The following DUOX2 variants were observed in gnomAD, a reference collection of about 807,000 sequenced individuals.
The protein encoded by DUOX2 is dual oxidase 2, also known as NADH/NADPH thyroid oxidase p138-tox.
Under a neutral mutation model 183.3 loss-of-function variants are expected in DUOX2, and 185 were observed. That is an observed-to-expected ratio of 1.01 (90% confidence interval 0.90 to 1.14). The LOEUF (loss-of-function observed/expected upper bound fraction) is 1.14, where lower values mean the gene tolerates loss of function less well. Ranked by LOEUF, DUOX2 falls within the 50% of genes most tolerant of loss-of-function variation. The pLI, the probability that DUOX2 is intolerant of heterozygous loss-of-function variation, is 0.00. For synonymous variants in DUOX2, 788 were observed against 812.4 expected (o/e 0.97, Z 0.51); for missense variants, 1,999 against 2,022.9 (o/e 0.99, Z 0.23).
chr15:45,095,176 C>T, intron 31 of DUOX2, 85 bp from the exon 32 acceptor site: 1 of 1,521,378 alleles, frequency 6.6e-7, no homozygotes, highest in African/African-American at 1.4e-5. Flanking sequence ...GGCTGGGAAG[C>T]CCCAGACCAC....
In DUOX2 at chr15:45,111,572, G is replaced by A. The variant is rs1894410710; in HGVS notation, c.527C>T (p.Thr176Met). ...GATGGCGCTGCCGTCCAGCCAGCCCGTCACCTGGTTGGCCTGCGGGGCACG... is the reference window on the plus strand; with the variant it reads ...GATGGCGCTGCCGTCCAGCCAGCCCATCACCTGGTTGGCCTGCGGGGCACG... ...SNPRDLANQV[T>M]GWLDGSAIYG... is the part of the protein sequence containing the mutation. Residue 176 changes from threonine to methionine, a missense_variant, in exon 6 of 34, where the codon ACG (threonine) becomes ATG (methionine). Around this residue, in one of 3 missense-constraint regions of DUOX2, gnomAD observed 356 missense variants for 356.4 expected, o/e 1.00. Transcript: ENST00000389039. 3.9e-6 allele frequency: 6 copies of A among 1,544,706 alleles called. No homozygotes were observed. The highest frequency in any genetic ancestry group is 4.3e-6 in the Non-Finnish European group (5 of 1,149,572).
At position 45,095,060 on chromosome 15, in the gene DUOX2, C is replaced by A. The variant is rs748461702; in HGVS notation, c.4271G>T (p.Arg1424Leu). The change falls in exon 32 of 34, where the codon CGT (arginine) becomes CTT (leucine). Residue 1424 changes from arginine (R) to leucine (L), a missense_variant. Coordinates refer to ENST00000389039, the MANE Select transcript of DUOX2 (RefSeq NM_001363711.2). The stretch of plus-strand genomic sequence containing the variant: ...GATGTCAGCCAGCCACTCAAACTGA[C>A]GCTGGGTCCGTGTCACCCAGATGAA... The part of the protein sequence containing the change: ...IYFIWVTRTQ[R>L]QFEWLADIIQ... 2 of 1,613,986 alleles carry A rather than the reference C, an allele frequency of 1.2e-6. No homozygotes were observed. The highest frequency in any genetic ancestry group is 1.7e-6 in the Non-Finnish European group (2 of 1,180,028).
At position 45,095,371 on chromosome 15, in the gene DUOX2, C is replaced by T. The variant is rs1893872435; in HGVS notation, c.4239+66G>A. On this transcript the variant is annotated intron_variant, in intron 31 of 33. Transcript: ENST00000389039. ...GCCAGGAGCTTTCTCTCATGCTCCA[C>T]CACTTGATGCGGGTCACAATTCGGC... The T allele has an allele frequency of 1.0e-5, 16 of 1,604,760 alleles. No individual in the cohort carries two copies. The South Asian group carries it at 1.5e-4, about 15-fold the overall frequency.
chr15:45,095,765 G>A, intron 30 of DUOX2, 63 bp downstream of exon 30: 1 of 1,563,542 alleles, frequency 6.4e-7, no homozygotes, highest in South Asian at 1.1e-5. Context: ...CTCAGGATAG[G>A]GAAGGGCAGA....
rs939205501 is a variant in DUOX2 at position 45,104,943 on chromosome 15, C to T, written c.2335-578G>A. ...TCAAGCGATTCTCCTGCCTCAGCCT[C>T]CCAAGTAGCTGGGATTACAGGTGTG... On this transcript the variant is annotated intron_variant, in intron 18 of 33. Coordinates refer to ENST00000389039, the MANE Select transcript of DUOX2 (RefSeq NM_001363711.2). 3.3e-5 allele frequency among the ~76,000 whole-genome samples: 5 copies of T among 152,192 alleles called. No individual in the cohort carries two copies. In the East Asian group the frequency reaches 5.8e-4, roughly 18 times the overall value.
At chr15:45,094,393 G>A (rs946372592) in intron 33 of DUOX2, 121 bp from the exon 34 acceptor site, 2 of 1,555,602 alleles carry the variant, frequency 1.3e-6, no homozygotes, top group South Asian at 1.2e-5. Context: ...CCTTGAGGAG[G>A]AGGCTTAACG....
chr15:45,105,924 A>AACTCCTCCCC lies in DUOX2; in HGVS notation c.2149-106_2149-97dup. The AACTCCTCCCC allele has an allele frequency of 2.0e-6, 3 of 1,506,664 alleles. 1 individual carries two copies. In the South Asian group the frequency reaches 3.5e-5, roughly 17 times the overall value. 93.3% of individuals were successfully genotyped at this position (1,506,664 alleles called of 1,614,324 possible). A position where few individuals can be genotyped will look rare whatever the true frequency, so the allele number is the denominator to read the frequency against. The stretch of plus-strand genomic sequence containing the variant: ...ATCTTGGGTTGAGGGGAGGAGAGAA[A>AACTCCTCCCC]ACTCCTCCCCATCCATCCAGGCTGG... On this transcript the variant is annotated intron_variant, in intron 17 of 33. Transcript: ENST00000389039.
intron 23 of DUOX2, 197 bp downstream of exon 23, chr15:45,100,558 C>T: frequency 1.5e-6 from 1 of 658,556 alleles, no homozygotes; most frequent in Admixed American, 2.4e-5. Context: ...AGCCAGGACC[C>T]TTGCCTGAAG....
chr15:45,113,179 A>T, intron 2 of DUOX2, 103 bp from the exon 3 acceptor site: 1 of 1,460,046 alleles, frequency 6.8e-7, no homozygotes, highest in Non-Finnish European at 9.4e-7. Context: ...GAGCGCCCCT[A>T]ACCGGACCCA....
chr15:45,099,145 GGATTA>G (rs1342874294), intron 26 of DUOX2: 1 of 416,366 alleles, frequency 2.4e-6, no homozygotes, highest in Non-Finnish European at 4.6e-6. Context: ...CGAGTAGCTG[GGATTA>G]CAGGCGCCCA....
At position 45,109,550 on chromosome 15, in the gene DUOX2, T is replaced by C. The variant is rs1291879340; in HGVS notation, c.1208A>G (p.Asp403Gly). Reference sequence around the variant, plus strand: ...CCTCAGATCTTCAACCACTATGTTGTCCTCCAACTCCGAAATCTGGGAGGC... The same window carrying C: ...CCTCAGATCTTCAACCACTATGTTGCCCTCCAACTCCGAAATCTGGGAGGC... ...GMASQISELE[D>G]NIVVEDLRDY... Residue 403 changes from aspartate to glycine, a missense_variant, in exon 11 of 34, where the codon GAC becomes GGC. Asp to Gly is a moderately conservative substitution (Grantham distance 94). Around this residue, in one of 3 missense-constraint regions of DUOX2, gnomAD observed 1,628 missense variants for 1,608.6 expected, o/e 1.01. Coordinates refer to ENST00000389039, the MANE Select transcript of DUOX2 (RefSeq NM_001363711.2). The C allele has an allele frequency of 1.9e-6, 3 of 1,613,922 alleles. No homozygotes were observed. Among genetic ancestry groups the C allele is most frequent in the Non-Finnish European group, 2.5e-6 (3 of 1,180,026 alleles).
intron 12 of DUOX2, 38 bp downstream of exon 12, chr15:45,108,751 A>G: frequency 6.2e-7 from 1 of 1,608,072 alleles, no homozygotes; most frequent in Non-Finnish European, 8.5e-7. Context: ...TGCCATAGGA[A>G]AGCTTTAGCT....
chr15:45,109,752 C>T (rs1445523550), intron 10 of DUOX2, 126 bp from the exon 11 acceptor site: 21 of 1,309,254 alleles, frequency 1.6e-5, no homozygotes, highest in Non-Finnish European at 1.5e-5. Flanking sequence ...AACTGTTGTC[C>T]CCGGATAATT....
At chr15:45,099,953 C>T in intron 24 of DUOX2, 61 bp from the exon 25 acceptor site, 7 of 1,611,738 alleles carry the variant, frequency 4.3e-6, no homozygotes, top group Non-Finnish European at 5.1e-6. Flanking sequence ...GAGCCCTGGG[C>T]TCTCCCATGC....
At chr15:45,100,688 TG>T in intron 23 of DUOX2, 66 bp downstream of exon 23, 1 of 1,302,902 alleles carries the variant, frequency 7.7e-7, no homozygotes, top group Non-Finnish European at 1.1e-6. Context: ...GATATGTGGG[TG>T]GGGCCTAGGG....
Position 45,097,732 on chromosome 15 carries a change from C to A in DUOX2, c.3575G>T (p.Gly1192Val). The change falls in exon 28 of 34, where the codon GGT becomes GTT. Residue 1192 changes from glycine to valine, a missense_variant. This residue lies in a region of DUOX2 where 1,628 missense variants were observed against 1,608.6 expected (regional missense o/e 1.01). Coordinates refer to ENST00000389039, the MANE Select transcript of DUOX2 (RefSeq NM_001363711.2). ...WFFQTVPGMT[G>V]VLLLLVLAIM... ...GGCCAGGACCAGGAGCAGAAGCACA[C>A]CTGTCATACCTGGGGGCAGGAAGAC... 6.2e-7 allele frequency: 1 copy of A among 1,614,234 alleles called. No individual in the cohort carries two copies. Among genetic ancestry groups the A allele is most frequent in the Non-Finnish European group, 8.5e-7 (1 of 1,180,040 alleles).
At chr15:45,113,474 A>G (rs1262326927) in intron 1 of DUOX2, 49 bp from the exon 2 acceptor site, 8 of 1,457,222 alleles carry the variant, frequency 5.5e-6, no homozygotes, top group Non-Finnish European at 7.5e-6. Context: ...AGCCACTGTT[A>G]GGGCGTCCTC....
intron 12 of DUOX2, chr15:45,108,519 G>A: frequency 3.3e-6 from 2 of 602,020 alleles, no homozygotes; most frequent in Non-Finnish European, 5.8e-6. Context: ...GTGGGACCCT[G>A]CAGCAACAGG....
chr15:45,095,908 G>C lies in DUOX2; in HGVS notation c.4000C>G (p.Arg1334Gly), dbSNP rs200541410. ...PHEDTLSLHI[R>G]AVGPWTTRLR... ...CGAGTGGTCCAGGGCCCCACTGCCC[G>C]GATGTGCAGGCTGAGTGTGTCCTCA... The change falls in exon 30 of 34, where the codon CGG (arginine) becomes GGG (glycine). Residue 1334 changes from arginine to glycine, a missense_variant. By Grantham distance (125) the Arg-to-Gly change is moderately radical (BLOSUM62 -2). Around this residue, in one of 3 missense-constraint regions of DUOX2, gnomAD observed 1,628 missense variants for 1,608.6 expected, o/e 1.01. Coordinates refer to ENST00000389039, the MANE Select transcript of DUOX2 (RefSeq NM_001363711.2). 6.2e-7 allele frequency: 1 copy of C among 1,613,998 alleles called. No homozygotes were observed. The highest frequency in any genetic ancestry group is 1.7e-5 in the Admixed American group (1 of 60,008).
Sources: gnomAD v4.1 joint callset for allele counts (sites outside exome capture counted in the v4.1 genomes callset) on GRCh38, gnomAD v4.1.1 for gene constraint, gnomAD v4.1.1 regional missense constraint, MANE v1.5 for transcripts, NCBI Gene and HGNC (gene_info 2026-07-23, HGNC 2026-07-21) for gene names.